Variants in PRDM16 observed in about 807,000 individuals in gnomAD.
The protein encoded by PRDM16 is PR/SET domain 16.
PRDM16 carries 23 observed loss-of-function variants against 110.6 expected under a neutral mutation model. The ratio of observed to expected loss-of-function variants is 0.21; its 90% CI spans 0.15 to 0.29. The LOEUF is 0.29. Ranked by LOEUF, PRDM16 falls within the 10% of genes least tolerant of loss-of-function variation. PRDM16 has a pLI of 1.00. For missense variants in PRDM16, 1,615 were observed against 1,794.3 expected (o/e 0.90, Z 1.81); for synonymous variants, 799 against 781.8 (o/e 1.02, Z -0.37).
intron 8 of PRDM16, among the ~76,000 whole-genome samples, chr1:3,409,314 C>A (rs59691927): frequency 6.6e-6 from 1 of 151,790 alleles, no homozygotes; most frequent in African/African-American, 2.4e-5. Context: ...GGTAGGTGAC[C>A]GAGGGGTATT....
At chr1:3,230,991 C>G (rs1639395893) in intron 2 of PRDM16, among the ~76,000 whole-genome samples, 1 of 152,186 alleles carries the variant, frequency 6.6e-6, no homozygotes, top group African/African-American at 2.4e-5. Context: ...GTCCCCGCCT[C>G]TCTGCTGGCA....
intron 1 of PRDM16, among the ~76,000 whole-genome samples, chr1:3,075,337 A>G (rs1277657798): frequency 6.6e-6 from 1 of 152,282 alleles, no homozygotes; most frequent in Non-Finnish European, 1.5e-5. Flanking sequence ...GTATGCAATT[A>G]GTCCATCTTG....
intron 3 of PRDM16, among the ~76,000 whole-genome samples, chr1:3,344,277 G>A: frequency 6.6e-6 from 1 of 152,056 alleles, no homozygotes; most frequent in Non-Finnish European, 1.5e-5. Context: ...TCACGTCACT[G>A]CCCTCCAGCC....
At chr1:3,315,091 T>G (rs1641569644) in intron 3 of PRDM16, among the ~76,000 whole-genome samples, 1 of 124,786 alleles carries the variant, frequency 8.0e-6, no homozygotes, top group African/African-American at 3.0e-5. Flanking sequence ...GAAACCCAAC[T>G]GGGAGAGCAG....
Position 3,321,962 on chromosome 1 carries a change from G to A in PRDM16, c.439-63190G>A, listed in dbSNP as rs184020674. On this transcript the variant is annotated intron_variant, in intron 3 of 16. Transcript: ENST00000270722. ...ATGTTTGGCATGCATGTATGTACAT[G>A]AGACTGTATATTTGTGTGGGGGTGC... 6.6e-5 allele frequency among the ~76,000 whole-genome samples: 10 copies of A among 151,806 alleles called. No individual in the cohort carries two copies. In the East Asian group the frequency reaches 1.6e-3, roughly 24 times the overall value.
chr1:3,378,713 A>C (rs1321492515), intron 3 of PRDM16, among the ~76,000 whole-genome samples: 2 of 152,050 alleles, frequency 1.3e-5, no homozygotes, highest in African/African-American at 2.4e-5. Flanking sequence ...TGGCAGGAGG[A>C]GGCAGCGGTC....
chr1:3,276,932 C>A (rs765833057), intron 3 of PRDM16, among the ~76,000 whole-genome samples: 111 of 152,248 alleles, frequency 7.3e-4, no homozygotes, highest in Non-Finnish European at 1.2e-3. Flanking sequence ...CTCCCCATCC[C>A]CCATCACGAC....
chr1:3,089,165 C>G (rs1308434151), intron 1 of PRDM16, among the ~76,000 whole-genome samples: 1 of 152,216 alleles, frequency 6.6e-6, no homozygotes, highest in East Asian at 1.9e-4. Context: ...GTTTTGCAGG[C>G]CTGGGCCCCT....
intron 8 of PRDM16, among the ~76,000 whole-genome samples, chr1:3,409,089 G>T (rs562695359): frequency 6.6e-6 from 1 of 151,328 alleles, no homozygotes; most frequent in Non-Finnish European, 1.5e-5. Context: ...GAGTGTGGGC[G>T]CGTGTCTGTG....
chr1:3,196,975 G>C (rs1178814567), intron 2 of PRDM16, among the ~76,000 whole-genome samples: 1 of 152,190 alleles, frequency 6.6e-6, no homozygotes, highest in African/African-American at 2.4e-5. Flanking sequence ...TTGCCCAGGG[G>C]GGTCTGTGCA....
At chr1:3,413,648 C>T (rs542130375) in intron 9 of PRDM16, among the ~76,000 whole-genome samples, 1 of 152,308 alleles carries the variant, frequency 6.6e-6, no homozygotes, top group East Asian at 1.9e-4. Flanking sequence ...CAGTCATAGA[C>T]ATGCTGGGGG....
intron 12 of PRDM16, among the ~76,000 whole-genome samples, chr1:3,422,164 A>C (rs1448014747): frequency 6.7e-6 from 1 of 148,918 alleles, no homozygotes; most frequent in Admixed American, 6.6e-5. Context: ...CAGGGCAGAC[A>C]GGCAGGAAGG....
chr1:3,264,591 A>G (rs1165004453), intron 3 of PRDM16, among the ~76,000 whole-genome samples: 1 of 75,140 alleles, frequency 1.3e-5, no homozygotes, highest in Non-Finnish European at 2.5e-5. Context: ...GGCCAGGAGG[A>G]GCGGAAAGGG....
Position 3,190,589 on chromosome 1 carries a change from G to C in PRDM16, c.387+4115G>C, listed in dbSNP as rs1002107443. ...GCATGGCTGTGTGTGTGCCCCAGGG[G>C]TGTGTGGAAACGGCCCCCTGGGCTT... On this transcript the variant is annotated intron_variant, in intron 2 of 16. Coordinates refer to ENST00000270722, the MANE Select transcript of PRDM16 (RefSeq NM_022114.4). This position sits in a 1 kb window ranked among gnomAD's most constrained non-coding sequence, Gnocchi z 5.0. Among the ~76,000 whole-genome samples the C allele has an allele frequency of 6.6e-6, 1 of 152,162 alleles. No homozygotes were observed. Among genetic ancestry groups the C allele is most frequent in the African/African-American group, 2.4e-5 (1 of 41,446 alleles).
chr1:3,183,614 G>A (rs970690968), intron 1 of PRDM16, among the ~76,000 whole-genome samples: 1 of 152,210 alleles, frequency 6.6e-6, no homozygotes, highest in Non-Finnish European at 1.5e-5. Flanking sequence ...CAATGCACAG[G>A]CCTGCCTTTA....
chr1:3,309,795 CAGAG>C (rs1176236578), intron 3 of PRDM16: 7 of 152,444 alleles, frequency 4.6e-5, no homozygotes, highest in African/African-American at 1.2e-4. Flanking sequence ...CAGCCACTGT[CAGAG>C]GGAGGACCTG....
chr1:3,170,101 G>A (rs1644008703), intron 1 of PRDM16, among the ~76,000 whole-genome samples: 2 of 152,112 alleles, frequency 1.3e-5, no homozygotes, highest in South Asian at 4.2e-4. Context: ...CCTGCTAAAT[G>A]AATCTGAGGG....
chr1:3,422,754 G>A (rs1638474966), intron 12 of PRDM16, among the ~76,000 whole-genome samples: 1 of 152,272 alleles, frequency 6.6e-6, no homozygotes, highest in African/African-American at 2.4e-5. Flanking sequence ...CCTTATTCTT[G>A]TGTGAGTTCA....
At chr1:3,313,877 C>T (rs951096964) in intron 3 of PRDM16, among the ~76,000 whole-genome samples, 1 of 152,254 alleles carries the variant, frequency 6.6e-6, no homozygotes. Flanking sequence ...AGACAGGAAG[C>T]ATTAATAGGA....
Sources: gnomAD v4.1 joint callset for allele counts (sites outside exome capture counted in the v4.1 genomes callset) on GRCh38, gnomAD v4.1.1 for gene constraint, Gnocchi (gnomAD v3.1) non-coding constraint, MANE v1.5 for transcripts, NCBI Gene and HGNC (gene_info 2026-07-23, HGNC 2026-07-21) for gene names.